Variants in ACAN observed in about 807,000 individuals in gnomAD.
ACAN encodes aggrecan.
In ACAN, 47 loss-of-function variants were observed where a neutral mutation model predicts 169.1. That is an observed-to-expected ratio of 0.28 (90% CI 0.22 to 0.35). The LOEUF is 0.35. ACAN is among the 10% of genes least tolerant of loss of function. The pLI is 1.00. For synonymous variants in ACAN, 1,115 were observed against 1,112.2 expected (o/e 1.00, Z -0.05); for missense variants, 2,716 against 2,759.9 (o/e 0.98, Z 0.36).
At chr15:88,844,187 T>C (rs1896736954) in intron 6 of ACAN, among the ~76,000 whole-genome samples, 1 of 151,984 alleles carries the variant, frequency 6.6e-6, no homozygotes, top group Non-Finnish European at 1.5e-5. Context: ...AAGGCAAGAG[T>C]TCAGTGGTGT....
chr15:88,835,164 C>T (rs939587), intron 1 of ACAN, among the ~76,000 whole-genome samples: 104,491 of 152,012 alleles, frequency 0.69, 36,401 homozygotes, highest in African/African-American at 0.79. Context: ...TCTAGGTGAA[C>T]ATCTTTTCCC....
chr15:88,834,979 G>A (rs536324304), intron 1 of ACAN, among the ~76,000 whole-genome samples: 64 of 152,264 alleles, frequency 4.2e-4, no homozygotes, highest in African/African-American at 1.4e-3. Context: ...TTTACACTGC[G>A]GTTGTCACAG....
chr15:88,874,113 A>C lies in ACAN; in HGVS notation c.7630+89A>C. Reference sequence around the variant, plus strand: ...CCGTCCCCTCTCCTGGGGACCCTACACCGTCCACAGGGTTGAGCAAGGGAA... The same window carrying C: ...CCGTCCCCTCTCCTGGGGACCCTACCCCGTCCACAGGGTTGAGCAAGGGAA... On this transcript the variant is annotated intron_variant, in intron 18 of 18. Transcript: ENST00000560601. This position sits in a 1 kb window ranked among gnomAD's most constrained non-coding sequence, Gnocchi z 7.3. 7 of 1,508,308 alleles carry C rather than the reference A, an allele frequency of 4.6e-6. No homozygotes were observed. The highest frequency in any genetic ancestry group is 5.4e-6 in the Non-Finnish European group (6 of 1,112,824). The allele number at this position is 1,508,308 out of a possible 1,614,324, so 93.4% of individuals were successfully genotyped here.
chr15:88,855,493 G>A lies in ACAN; in HGVS notation c.2908G>A (p.Val970Ile), dbSNP rs953788738. 1.2e-6 allele frequency: 2 copies of A among 1,613,506 alleles called. No individual in the cohort carries two copies. Among genetic ancestry groups the A allele is most frequent in the African/African-American group, 2.7e-5 (2 of 74,932 alleles). Residue 970 changes from valine (V) to isoleucine (I), a missense_variant, in exon 12 of 19, where the codon GTA becomes ATA. By Grantham distance (29) the Val-to-Ile change is conservative. Around this residue, in one of 3 missense-constraint regions of ACAN, gnomAD observed 44 missense variants for 114.7 expected, o/e 0.38. Transcript: ENST00000560601. ...AGTTCTAGAGACCTCTGCCTCTGGA[G>A]TAGGAGACCTCAGTGGGCTTCCTTC... ...GEVLETSASG[V>I]GDLSGLPSGE...
Position 88,858,756 on chromosome 15 carries a change from G to A in ACAN, c.6171G>A (p.Arg2057=). The stretch of plus-strand genomic sequence containing the variant: ...CTATTTCTCAGGAACTAGGCCAAAG[G>A]CCCCCTGTGACACACACACCCCAGC... ...EPTISQELGQ[R]PPVTHTPQLF... is the part of the protein sequence containing the mutation. The change falls in exon 12 of 19, where the codon AGG becomes AGA. Residue 2057 remains arginine, a synonymous_variant. Transcript: ENST00000560601. The surrounding 1 kb of genome is among the most constrained non-coding windows in gnomAD (Gnocchi z 4.0). 1.9e-6 allele frequency: 3 copies of A among 1,613,896 alleles called. No individual in the cohort carries two copies. The highest frequency in any genetic ancestry group is 1.7e-5 in the Admixed American group (1 of 60,014).
rs1016738921 is a variant in ACAN at position 88,815,670 on chromosome 15, A to G, written c.-8+11861A>G. On this transcript the variant is annotated intron_variant, in intron 1 of 18. Coordinates refer to ENST00000560601, the MANE Select transcript of ACAN (RefSeq NM_001369268.1). Reference sequence around the variant, plus strand: ...TCTGCACTGATTAAAAAAAAAAAAAAAAAAAAAAAAGAAGGAGCCATTGAG... The same window carrying G: ...TCTGCACTGATTAAAAAAAAAAAAAGAAAAAAAAAAGAAGGAGCCATTGAG... Among the ~76,000 whole-genome samples the G allele has an allele frequency of 5.3e-5, 8 of 150,682 alleles. No homozygotes were observed. The East Asian group carries it at 1.5e-3, about 29-fold the overall frequency.
At position 88,871,491 on chromosome 15, in the gene ACAN, G is replaced by A; in HGVS notation, c.7170G>A (p.Gln2390=). ...VDAERRCREQ[Q]SHLSSIVTPE... is the part of the protein sequence containing the mutation. ...CTGAGCGCCGGTGTCGGGAGCAGCA[G>A]TCACACCTGAGCAGCATCGTCACCC... Residue 2390 remains glutamine (Q), a synonymous_variant, in exon 15 of 19, where the codon CAG becomes CAA. Coordinates refer to ENST00000560601, the MANE Select transcript of ACAN (RefSeq NM_001369268.1). The surrounding 1 kb of genome is among the most constrained non-coding windows in gnomAD (Gnocchi z 7.8). 1 of 1,613,852 alleles carries A rather than the reference G, an allele frequency of 6.2e-7. No individual in the cohort carries two copies. Among genetic ancestry groups the A allele is most frequent in the East Asian group, 2.2e-5 (1 of 44,884 alleles).
chr15:88,808,068 G>A (rs1217243349), intron 1 of ACAN, among the ~76,000 whole-genome samples: 1 of 152,130 alleles, frequency 6.6e-6, no homozygotes, highest in Non-Finnish European at 1.5e-5. Flanking sequence ...TTCTGTAATT[G>A]ATTTGACTGG....
chr15:88,837,833 A>G (rs1158015028), intron 2 of ACAN, among the ~76,000 whole-genome samples: 1 of 150,988 alleles, frequency 6.6e-6, no homozygotes, highest in South Asian at 2.1e-4. Flanking sequence ...TTCAACCTGT[A>G]GGCCCCCATG....
chr15:88,841,401 G>T (rs1355173677), intron 4 of ACAN, among the ~76,000 whole-genome samples: 1 of 152,170 alleles, frequency 6.6e-6, no homozygotes, highest in African/African-American at 2.4e-5. Context: ...ACACCCATTT[G>T]CATATCTGTG....
In ACAN at chr15:88,840,049, C is replaced by T. The variant is rs375322679; in HGVS notation, c.492C>T (p.Tyr164=). The stretch of plus-strand genomic sequence containing the variant: ...ATTACAGAGCCATCTCTACACGCTA[C>T]ACCCTCGACTTTGACAGGGCGCAGC... ...VFHYRAISTR[Y]TLDFDRAQRA... is the part of the protein sequence containing the mutation. The change falls in exon 4 of 19, where the codon TAC becomes TAT. Residue 164 remains tyrosine, a synonymous_variant. Coordinates refer to ENST00000560601, the MANE Select transcript of ACAN (RefSeq NM_001369268.1). The T allele has an allele frequency of 1.1e-4, 180 of 1,602,900 alleles. No individual in the cohort carries two copies. The highest frequency in any genetic ancestry group is 1.5e-4 in the Non-Finnish European group (177 of 1,174,420).
Position 88,857,750 on chromosome 15 carries a change from C to G in ACAN, c.5165C>G (p.Ser1722Cys), listed in dbSNP as rs200794149. 8.7e-6 allele frequency: 14 copies of G among 1,613,808 alleles called. No individual in the cohort carries two copies. Among genetic ancestry groups the G allele is most frequent in the Middle Eastern group, 1.6e-4 (1 of 6,084 alleles). Residue 1722 changes from serine (S) to cysteine (C), a missense_variant, in exon 12 of 19, where the codon TCT (serine) becomes TGT (cysteine). By Grantham distance (112) the Ser-to-Cys change is moderately radical. Transcript: ENST00000560601. ...GTELSGQASGSPDVSGEIPGL... is the reference protein window; with the variant it reads ...GTELSGQASGCPDVSGEIPGL... ...GAACTCAGTGGCCAAGCATCTGGGT[C>G]TCCTGATGTCAGTGGGGAAATACCT... is the stretch of plus-strand genomic sequence containing the variant.
chr15:88,818,394 G>C (rs4932428), intron 1 of ACAN, among the ~76,000 whole-genome samples: 18,711 of 152,188 alleles, frequency 0.12, 1,376 homozygotes, highest in East Asian at 0.31. Context: ...TTGGGAGAAA[G>C]AATACTTTAG....
intron 1 of ACAN, among the ~76,000 whole-genome samples, chr15:88,834,572 G>A (rs1273684216): frequency 1.3e-5 from 2 of 152,216 alleles, no homozygotes; most frequent in Admixed American, 1.3e-4. Context: ...GAGAGTTGCT[G>A]AAATCTCCAA....
chr15:88,847,094 C>T (rs962001047), intron 7 of ACAN, 149 bp from the exon 8 acceptor site: 2 of 882,266 alleles, frequency 2.3e-6, no homozygotes, highest in African/African-American at 1.7e-5. Flanking sequence ...ATCACACCCA[C>T]GTGGCTACCA....
In ACAN at chr15:88,866,501, C is replaced by G. The variant is rs1897282731; in HGVS notation, c.6947-1715C>G. 6.6e-6 allele frequency among the ~76,000 whole-genome samples: 1 copy of G among 152,132 alleles called. No individual in the cohort carries two copies. The highest frequency in any genetic ancestry group is 1.5e-5 in the Non-Finnish European group (1 of 68,006). On this transcript the variant is annotated intron_variant, in intron 13 of 18. Coordinates refer to ENST00000560601, the MANE Select transcript of ACAN (RefSeq NM_001369268.1). The surrounding 1 kb of genome is among the most constrained non-coding windows in gnomAD (Gnocchi z 5.6). ...TCCAAGTGCATGCTGGGATTTCAGTCTGTTCCTCCATGCATTTTGGGTTTG... is the reference window on the plus strand; with the variant it reads ...TCCAAGTGCATGCTGGGATTTCAGTGTGTTCCTCCATGCATTTTGGGTTTG...
At chr15:88,813,218 T>C (rs1895863421) in intron 1 of ACAN, among the ~76,000 whole-genome samples, 1 of 152,208 alleles carries the variant, frequency 6.6e-6, no homozygotes, top group South Asian at 2.1e-4. Context: ...TTTCAAACCA[T>C]GCTTCAGAGT....
At chr15:88,821,397 C>G (rs1399127292) in intron 1 of ACAN, among the ~76,000 whole-genome samples, 1 of 152,160 alleles carries the variant, frequency 6.6e-6, no homozygotes, top group East Asian at 1.9e-4. Context: ...AGGCTGGTCT[C>G]AAACTCCTGG....
At chr15:88,809,986 A>G (rs1345895076) in intron 1 of ACAN, among the ~76,000 whole-genome samples, 1 of 152,362 alleles carries the variant, frequency 6.6e-6, no homozygotes, top group South Asian at 2.1e-4. Context: ...GGATTTGGGT[A>G]AACTGTCAAG....
Sources: allele counts gnomAD v4.1 joint callset (sites outside exome capture counted in the v4.1 genomes callset), GRCh38; gene constraint gnomAD v4.1.1; regional missense constraint gnomAD v4.1.1; non-coding constraint Gnocchi (gnomAD v3.1); transcripts MANE v1.5; gene names NCBI Gene and HGNC (gene_info 2026-07-23, HGNC 2026-07-21).